ADAMTSL1: variants seen among roughly 807,000 people sequenced by gnomAD.
ADAMTSL1 encodes ADAMTS like 1, also known as ADAMTS-like protein 1.
Under a neutral mutation model 201.8 loss-of-function variants are expected in ADAMTSL1, and 126 were observed. The observed-to-expected ratio is 0.62, with a 90% CI of 0.54 to 0.72. The LOEUF (loss-of-function observed/expected upper bound fraction) is 0.72. ADAMTSL1 is among the 30% of genes least tolerant of loss of function. The pLI is 0.00. For synonymous variants in ADAMTSL1, 1,121 were observed against 903.4 expected (o/e 1.24, Z -4.32); for missense variants, 2,679 against 2,277.8 (o/e 1.18, Z -3.59).
At chr9:18,053,338 T>C (rs1822022451) in intron 1 of ADAMTSL1, among the ~76,000 whole-genome samples, 1 of 152,094 alleles carries the variant, frequency 6.6e-6, no homozygotes, top group Non-Finnish European at 1.5e-5. Context: ...TATTGCACTT[T>C]CATTCTCTCT....
At chr9:18,600,568 G>T (rs1001583235) in intron 4 of ADAMTSL1, among the ~76,000 whole-genome samples, 10 of 152,016 alleles carry the variant, frequency 6.6e-5, no homozygotes, top group African/African-American at 2.4e-4. Context: ...ACTGGTTTTT[G>T]GGTTTCTATG....
chr9:18,544,380 G>C (rs1278972186), intron 3 of ADAMTSL1, among the ~76,000 whole-genome samples: 1 of 152,084 alleles, frequency 6.6e-6, no homozygotes, highest in Non-Finnish European at 1.5e-5. Context: ...AACTCAAGGT[G>C]ATATAATAAA....
chr9:18,350,490 G>A (rs1835919405), intron 2 of ADAMTSL1, among the ~76,000 whole-genome samples: 1 of 150,832 alleles, frequency 6.6e-6, no homozygotes, highest in African/African-American at 2.4e-5. Context: ...TGCATATTGA[G>A]AAGGGAAAGG....
At chr9:18,326,962 C>T (rs1357346150) in intron 2 of ADAMTSL1, among the ~76,000 whole-genome samples, 1 of 152,020 alleles carries the variant, frequency 6.6e-6, no homozygotes. Context: ...TTCAAAAGCC[C>T]TATTTTGGCT....
At chr9:18,625,902 C>T (rs998959508) in intron 5 of ADAMTSL1, among the ~76,000 whole-genome samples, 1 of 152,128 alleles carries the variant, frequency 6.6e-6, no homozygotes, top group African/African-American at 2.4e-5. Flanking sequence ...TAAAAATGTG[C>T]TTCTCAGACT....
intron 23 of ADAMTSL1, among the ~76,000 whole-genome samples, chr9:18,873,536 C>T (rs991092456): frequency 6.6e-6 from 1 of 152,160 alleles, no homozygotes; most frequent in Non-Finnish European, 1.5e-5. Context: ...ATTATCCCAG[C>T]ACCTTTTATT....
chr9:18,453,913 A>G (rs1820508291), intron 2 of ADAMTSL1, among the ~76,000 whole-genome samples: 3 of 152,152 alleles, frequency 2.0e-5, no homozygotes, highest in African/African-American at 7.2e-5. Context: ...AATTAAGGAA[A>G]CTCATTCTTA....
intron 13 of ADAMTSL1, among the ~76,000 whole-genome samples, chr9:18,689,800 C>T (rs773883562): frequency 2.0e-4 from 31 of 152,208 alleles, no homozygotes; most frequent in Non-Finnish European, 4.0e-4. Context: ...GGTGGAAAGC[C>T]TTAATGATGC....
At chr9:18,430,945 T>C (rs1563956429) in intron 2 of ADAMTSL1, among the ~76,000 whole-genome samples, 1 of 152,026 alleles carries the variant, frequency 6.6e-6, no homozygotes, top group African/African-American at 2.4e-5. Flanking sequence ...GCTGAATGGG[T>C]CATATGACAT....
At chr9:18,235,485 C>A (rs532186281) in intron 2 of ADAMTSL1, among the ~76,000 whole-genome samples, 1 of 152,306 alleles carries the variant, frequency 6.6e-6, no homozygotes, top group African/African-American at 2.4e-5. Flanking sequence ...TTTCCATTGT[C>A]TTTGATTTCC....
At chr9:18,220,255 C>T (rs1293632909) in intron 2 of ADAMTSL1, among the ~76,000 whole-genome samples, 1 of 152,084 alleles carries the variant, frequency 6.6e-6, no homozygotes, top group African/African-American at 2.4e-5. Context: ...TTTCATGGAA[C>T]TGTTTTGCTC....
chr9:18,122,128 C>A (rs938298007), intron 1 of ADAMTSL1, among the ~76,000 whole-genome samples: 1 of 152,132 alleles, frequency 6.6e-6, no homozygotes, highest in African/African-American at 2.4e-5. Context: ...GACATGGAGT[C>A]CATTTAAACA....
intron 1 of ADAMTSL1, among the ~76,000 whole-genome samples, chr9:18,002,969 T>G (rs1819672906): frequency 6.6e-6 from 1 of 152,036 alleles, no homozygotes. Context: ...TTAGCATCTG[T>G]TTACCAATAC....
intron 1 of ADAMTSL1, among the ~76,000 whole-genome samples, chr9:17,965,695 A>G (rs1443819692): frequency 6.6e-6 from 1 of 152,160 alleles, no homozygotes; most frequent in Non-Finnish European, 1.5e-5. Context: ...TCAGACTTTC[A>G]ATTCAATTGG....
intron 13 of ADAMTSL1, among the ~76,000 whole-genome samples, chr9:18,695,485 G>C (rs573120): frequency 0.44 from 67,059 of 151,966 alleles, 15,048 homozygotes; most frequent in Admixed American, 0.55. Context: ...TCATGCATGT[G>C]ATTATATGCT....
intron 22 of ADAMTSL1, among the ~76,000 whole-genome samples, chr9:18,828,540 C>G (rs1824741671): frequency 6.6e-6 from 1 of 150,988 alleles, no homozygotes; most frequent in South Asian, 2.1e-4. Context: ...AACTAAGGCT[C>G]TGAGGACTTA....
intron 2 of ADAMTSL1, among the ~76,000 whole-genome samples, chr9:18,467,645 G>A (rs1221604161): frequency 6.6e-6 from 1 of 152,158 alleles, no homozygotes; most frequent in Non-Finnish European, 1.5e-5. Context: ...ATCTTAAAGA[G>A]TCAAAAATAT....
intron 28 of ADAMTSL1, chr9:18,907,883 C>A: frequency 5.9e-6 from 1 of 170,574 alleles, no homozygotes. Context: ...GTGTTTAAGG[C>A]ATGATGGGTA....
At chr9:18,423,957 G>A (rs776416663) in intron 2 of ADAMTSL1, among the ~76,000 whole-genome samples, 6 of 152,252 alleles carry the variant, frequency 3.9e-5, no homozygotes, top group African/African-American at 7.2e-5. Context: ...TATCCCACAG[G>A]CTAATGGGCA....
Sources: allele counts gnomAD v4.1 joint callset (sites outside exome capture counted in the v4.1 genomes callset), GRCh38; gene constraint gnomAD v4.1.1; transcripts MANE v1.5; gene names NCBI Gene and HGNC (gene_info 2026-07-23, HGNC 2026-07-21).